Variants in CELF2 observed in about 807,000 individuals in gnomAD.
CELF2 encodes the protein CUG triplet repeat RNA-binding protein 2.
A neutral mutation model predicts 62.6 loss-of-function variants in CELF2; 8 were observed. The ratio of observed to expected loss-of-function variants is 0.13; its 90% CI spans 0.07 to 0.23. The LOEUF (loss-of-function observed/expected upper bound fraction) is 0.23. Among genes scored for constraint, CELF2 ranks in the 10% least tolerant of loss-of-function variants. The probability of loss-of-function intolerance (pLI) is 1.00; values close to 1 mark genes in which losing one functional copy is unlikely to be tolerated. For missense variants in CELF2, 333 were observed against 671.0 expected (o/e 0.50, Z 5.56); for synonymous variants, 258 against 250.0 (o/e 1.03, Z -0.30).
chr10:10,678,989 A>G, the CELF2 span, among the ~76,000 whole-genome samples: 1 of 152,190 alleles, frequency 6.6e-6, no homozygotes, highest in Admixed American at 6.5e-5. Context: ...ATCAAAACCA[A>G]TATTCCCTCA....
At chr10:10,609,060 C>A in the CELF2 span, among the ~76,000 whole-genome samples, 8 of 152,258 alleles carry the variant, frequency 5.3e-5, no homozygotes, top group African/African-American at 1.9e-4. Flanking sequence ...AACCATTGCT[C>A]TTTCCTGCCT....
At position 10,928,181 on chromosome 10, in the gene CELF2, T is replaced by C. The variant is rs1330961138; in HGVS notation, c.89+8182T>C. 6.6e-6 allele frequency among the ~76,000 whole-genome samples: 1 copy of C among 152,222 alleles called. No individual in the cohort carries two copies. The highest frequency in any genetic ancestry group is 1.5e-5 in the Non-Finnish European group (1 of 68,044). On this transcript the variant is annotated intron_variant, in intron 2 of 13. Coordinates refer to the CELF2 transcript ENST00000636488. The surrounding 1 kb of genome is among the most constrained non-coding windows in gnomAD (Gnocchi z 4.8). ...ATTTGTTGATTTATAAATGATCTGT[T>C]CCCTTCCCCCTTAGCTCCAGAACAA... is the stretch of plus-strand genomic sequence containing the variant.
At chr10:10,697,238 G>C in the CELF2 span, among the ~76,000 whole-genome samples, 1 of 152,148 alleles carries the variant, frequency 6.6e-6, no homozygotes, top group Non-Finnish European at 1.5e-5. Flanking sequence ...TAACATGGGT[G>C]GGAATTGCCA....
chr10:10,924,787 T>C (rs1454136267), intron 2 of CELF2, among the ~76,000 whole-genome samples: 2 of 130,096 alleles, frequency 1.5e-5, no homozygotes, highest in Non-Finnish European at 3.1e-5. Flanking sequence ...TCTAAGCAAT[T>C]GGGGAACCCC....
chr10:11,095,511 T>C (rs935335537), intron 1 of CELF2, among the ~76,000 whole-genome samples: 2 of 152,190 alleles, frequency 1.3e-5, no homozygotes, highest in Non-Finnish European at 2.9e-5. Context: ...AGAGATGTTT[T>C]TAAATCCACG....
chr10:10,581,451 G>A, the CELF2 span, among the ~76,000 whole-genome samples: 1 of 152,120 alleles, frequency 6.6e-6, no homozygotes, highest in Non-Finnish European at 1.5e-5. Context: ...GTCCAAATAA[G>A]AGATGAGGAG....
At chr10:11,026,712 C>A (rs960766493) in intron 1 of CELF2, among the ~76,000 whole-genome samples, 4 of 152,138 alleles carry the variant, frequency 2.6e-5, no homozygotes, top group South Asian at 2.1e-4. Context: ...TCCTTTAATG[C>A]CCGTTTTATC....
the CELF2 span, among the ~76,000 whole-genome samples, chr10:10,641,094 C>A: frequency 9.9e-5 from 15 of 152,120 alleles, no homozygotes; most frequent in Non-Finnish European, 1.9e-4. Flanking sequence ...ACTTACTGAC[C>A]GTTCTGGATA....
At chr10:10,760,848 GGA>G in the CELF2 span, among the ~76,000 whole-genome samples, 59 of 152,342 alleles carry the variant, frequency 3.9e-4, no homozygotes, top group Middle Eastern at 3.4e-3. Context: ...GCTCAGGGAA[GGA>G]GAGAGATGGA....
In CELF2 at chr10:11,328,313, A is replaced by G. The variant is rs2095860833; in HGVS notation, c.1439-613A>G. On this transcript the variant is annotated intron_variant, in intron 12 of 12. Coordinates refer to ENST00000633077, the MANE Select transcript of CELF2 (RefSeq NM_001326342.2). This position sits in a 1 kb window ranked among gnomAD's most constrained non-coding sequence, Gnocchi z 6.4. ...TCCTTGGTATTAACTCCAAATGGGT[A>G]AAAATCAAGTATGAGTGAGTTATTC... Among the ~76,000 whole-genome samples the G allele has an allele frequency of 6.6e-6, 1 of 152,238 alleles. No individual in the cohort carries two copies. Among genetic ancestry groups the G allele is most frequent in the African/African-American group, 2.4e-5 (1 of 41,470 alleles).
At position 11,145,513 on chromosome 10, in the gene CELF2, G is replaced by T. The variant is rs546881441; in HGVS notation, c.75-19973G>T. Among the ~76,000 whole-genome samples, 1 of 152,320 alleles carries T rather than the reference G, an allele frequency of 6.6e-6. No homozygotes were observed. The highest frequency in any genetic ancestry group is 1.9e-4 in the East Asian group (1 of 5,182). Reference sequence around the variant, plus strand: ...CCGCACAGAACCAGTTGGTGGGGTGGAGATATTAAAGGATAGAATTTTTCT... The same window carrying T: ...CCGCACAGAACCAGTTGGTGGGGTGTAGATATTAAAGGATAGAATTTTTCT... On this transcript the variant is annotated intron_variant, in intron 1 of 12. Transcript: ENST00000633077. The surrounding 1 kb of genome is among the most constrained non-coding windows in gnomAD (Gnocchi z 4.3).
At chr10:10,929,044 C>G (rs2065815302) in intron 2 of CELF2, among the ~76,000 whole-genome samples, 1 of 152,112 alleles carries the variant, frequency 6.6e-6, no homozygotes, top group South Asian at 2.1e-4. Flanking sequence ...TCCTAAAGAA[C>G]CAGGGGTAGA....
At chr10:11,175,665 C>T (rs2070795036) in intron 2 of CELF2, among the ~76,000 whole-genome samples, 1 of 152,172 alleles carries the variant, frequency 6.6e-6, no homozygotes, top group South Asian at 2.1e-4. Flanking sequence ...TAATGCAGAG[C>T]CCTTTTGTAA....
At chr10:11,291,127 C>T (rs537415348) in intron 9 of CELF2, among the ~76,000 whole-genome samples, 18 of 152,280 alleles carry the variant, frequency 1.2e-4, no homozygotes, top group African/African-American at 4.1e-4. Context: ...TGAGCCAGTT[C>T]ACTTGCCCTG....
intron 5 of CELF2, among the ~76,000 whole-genome samples, chr10:11,262,867 A>G (rs1464195150): frequency 6.6e-6 from 1 of 150,512 alleles, no homozygotes; most frequent in East Asian, 1.9e-4. Flanking sequence ...AGTGGGTACT[A>G]CACCTTTTTC....
At chr10:10,946,698 T>C (rs1390678815) in intron 2 of CELF2, 1 of 152,498 alleles carries the variant, frequency 6.6e-6, no homozygotes, top group East Asian at 1.9e-4. Context: ...TGTTAATTCA[T>C]TTAATACAAT....
chr10:11,081,341 C>G (rs2073981691), intron 1 of CELF2, among the ~76,000 whole-genome samples: 1 of 152,174 alleles, frequency 6.6e-6, no homozygotes, highest in Non-Finnish European at 1.5e-5. Flanking sequence ...GTCTAAATCT[C>G]AGTCTCATAA....
At chr10:11,240,833 A>C (rs905897810) in intron 3 of CELF2, among the ~76,000 whole-genome samples, 9 of 152,178 alleles carry the variant, frequency 5.9e-5, no homozygotes, top group African/African-American at 2.2e-4. Context: ...TGGTAATGTT[A>C]CAGATTCTTA....
rs1407470753 is a variant in CELF2, at chr10:11,330,811, CTGGTAACAATA to C, written c.*1759_*1769del. On this transcript the variant is annotated 3_prime_UTR_variant, in exon 13 of 13. Coordinates refer to ENST00000633077, the MANE Select transcript of CELF2 (RefSeq NM_001326342.2). This position sits in a 1 kb window ranked among gnomAD's most constrained non-coding sequence, Gnocchi z 4.5. ...CAGGGATTGGCATTCTTCCCGGTCACTGGTAACAATAGCAATATGTGTCCAGGGACACAGAA... is the reference window on the plus strand; with the variant it reads ...CAGGGATTGGCATTCTTCCCGGTCACGCAATATGTGTCCAGGGACACAGAA... The C allele has an allele frequency of 2.6e-5, 4 of 152,552 alleles. No homozygotes were observed. The highest frequency in any genetic ancestry group is 5.9e-5 in the Non-Finnish European group (4 of 68,022). The allele number at this position is 152,552 out of a possible 1,614,324, so 9.4% of individuals were successfully genotyped here.
Sources: gnomAD v4.1 joint callset for allele counts (sites outside exome capture counted in the v4.1 genomes callset) on GRCh38, gnomAD v4.1.1 for gene constraint, Gnocchi (gnomAD v3.1) non-coding constraint, MANE v1.5 for transcripts, NCBI Gene and HGNC (gene_info 2026-07-23, HGNC 2026-07-21) for gene names.